DMTF1: variants seen among roughly 807,000 people sequenced by gnomAD.
DMTF1 encodes the protein cyclin-D-binding Myb-like transcription factor 1.
A neutral mutation model predicts 91.1 loss-of-function variants in DMTF1; 39 were observed. That is an observed-to-expected ratio of 0.43 (90% CI 0.33 to 0.56). The LOEUF is 0.56. Ranked by LOEUF, DMTF1 falls within the 20% of genes least tolerant of loss-of-function variation. The pLI is 0.05. For missense variants in DMTF1, 750 were observed against 914.5 expected (o/e 0.82, Z 2.32); for synonymous variants, 338 against 309.5 (o/e 1.09, Z -0.97).
intron 1 of DMTF1, chr7:87,154,226 A>G (rs990419854): frequency 6.6e-6 from 1 of 152,252 alleles, no homozygotes; most frequent in African/African-American, 2.4e-5. Flanking sequence ...TCTTCCATAC[A>G]GAAAGCACAA....
At chr7:87,180,821 T>A (rs1335201971) in intron 8 of DMTF1, among the ~76,000 whole-genome samples, 1 of 148,514 alleles carries the variant, frequency 6.7e-6, no homozygotes, top group African/African-American at 2.5e-5. Flanking sequence ...ATTTACTGTT[T>A]AAAAAAAAAT....
At chr7:87,178,678 C>T (rs997522180) in intron 7 of DMTF1, among the ~76,000 whole-genome samples, 3 of 151,916 alleles carry the variant, frequency 2.0e-5, no homozygotes, top group South Asian at 2.1e-4. Flanking sequence ...TTAGTGAATG[C>T]GTTTGACCTG....
At chr7:87,157,767 T>A (rs1157645207) in intron 1 of DMTF1, among the ~76,000 whole-genome samples, 4 of 152,048 alleles carry the variant, frequency 2.6e-5, no homozygotes, top group African/African-American at 7.2e-5. Flanking sequence ...ATCTTTTTCA[T>A]TGGGAGCTAT....
In DMTF1 at chr7:87,166,624, A is replaced by G; in HGVS notation, c.232+19A>G. 6.5e-7 allele frequency: 1 copy of G among 1,532,164 alleles called. No homozygotes were observed. The highest frequency in any genetic ancestry group is 8.8e-7 in the Non-Finnish European group (1 of 1,135,826). The allele number at this position is 1,532,164 out of a possible 1,614,324, so 94.9% of individuals were successfully genotyped here. Reference sequence around the variant, plus strand: ...CTTCCACGTAAGTCACTACGTATTAAGAGCCATAGAGTTCCCTTTTAAAAT... The same window carrying G: ...CTTCCACGTAAGTCACTACGTATTAGGAGCCATAGAGTTCCCTTTTAAAAT... On this transcript the variant is annotated intron_variant, in intron 4 of 17. Transcript: ENST00000331242.
chr7:87,182,938 G>T (rs73206987), intron 10 of DMTF1, among the ~76,000 whole-genome samples: 12 of 152,252 alleles, frequency 7.9e-5, no homozygotes, highest in Non-Finnish European at 1.5e-4. Flanking sequence ...GACCAACAAC[G>T]TATTTAGGCT....
chr7:87,185,825 G>A lies in DMTF1; in HGVS notation c.1050-4G>A, dbSNP rs753963419. 2.5e-6 allele frequency: 4 copies of A among 1,613,550 alleles called. No homozygotes were observed. The highest frequency in any genetic ancestry group is 2.5e-6 in the Non-Finnish European group (3 of 1,179,704). On this transcript the variant is annotated splice_polypyrimidine_tract_variant and splice_region_variant and intron_variant, in intron 11 of 17. Coordinates refer to ENST00000331242, the MANE Select transcript of DMTF1 (RefSeq NM_001142327.2). ...GTCTAACGATGCTTATTTTGTAACT[G>A]TAGGATAGCAGAACTTGATGTAGCT... is the stretch of plus-strand genomic sequence containing the variant.
At chr7:87,184,807 T>C in intron 11 of DMTF1, 182 bp downstream of exon 11, 2 of 315,854 alleles carry the variant, frequency 6.3e-6, no homozygotes, top group Non-Finnish European at 1.2e-5. Context: ...TGTTTGTTCC[T>C]TTTTTTTTTT....
At chr7:87,168,664 T>C (rs6946206) in intron 4 of DMTF1, among the ~76,000 whole-genome samples, 148,979 of 152,252 alleles carry the variant, frequency 0.98, 72,915 homozygotes, top group East Asian at 1. Flanking sequence ...TCTGTCTTTG[T>C]CTGTTTATTT....
At chr7:87,161,877 ATT>A (rs1377096482) in intron 1 of DMTF1, among the ~76,000 whole-genome samples, 2 of 152,242 alleles carry the variant, frequency 1.3e-5, no homozygotes, top group African/African-American at 2.4e-5. Context: ...TGGGATATAA[ATT>A]TGTGCAATTT....
chr7:87,173,681 T>C, intron 6 of DMTF1, 32 bp downstream of exon 6: 1 of 1,418,462 alleles, frequency 7.0e-7, no homozygotes, highest in Non-Finnish European at 9.8e-7. Context: ...TAGTGCCTAG[T>C]GAAAAAAAAT....
intron 4 of DMTF1, among the ~76,000 whole-genome samples, chr7:87,169,131 A>G (rs1221859817): frequency 6.6e-6 from 1 of 152,186 alleles, no homozygotes; most frequent in Admixed American, 6.5e-5. Flanking sequence ...TCATTCCCAC[A>G]GTATCACAAA....
Position 87,186,205 on chromosome 7 carries a change from T to C in DMTF1, c.1201+225T>C, listed in dbSNP as rs958612352. The C allele has an allele frequency of 1.8e-5, 9 of 494,024 alleles. No homozygotes were observed. In the Middle Eastern group the frequency reaches 1.6e-3, roughly 88 times the overall value. The allele number at this position is 494,024 out of a possible 1,614,324, so 30.6% of individuals were successfully genotyped here. On this transcript the variant is annotated intron_variant, in intron 12 of 17. Coordinates refer to ENST00000331242, the MANE Select transcript of DMTF1 (RefSeq NM_001142327.2). ...ATGAAAATGTACACACTTATTCTTG[T>C]TCTTCTACGTAAACTATCAGGAGGA...
intron 1 of DMTF1, among the ~76,000 whole-genome samples, chr7:87,161,810 T>A (rs1792494882): frequency 6.6e-6 from 1 of 152,334 alleles, no homozygotes; most frequent in Non-Finnish European, 1.5e-5. Flanking sequence ...TGCTTTGAAG[T>A]TTTTAAAAAA....
intron 10 of DMTF1, among the ~76,000 whole-genome samples, 176 bp downstream of exon 10, chr7:87,182,513 CT>C (rs199824427): frequency 0.018 from 2,758 of 152,244 alleles, 35 homozygotes; most frequent in Non-Finnish European, 0.032. Flanking sequence ...TAATCTTTTA[CT>C]TTGTTTTTGT....
At chr7:87,188,892 C>G (rs1468543340) in intron 13 of DMTF1, among the ~76,000 whole-genome samples, 1 of 151,992 alleles carries the variant, frequency 6.6e-6, no homozygotes, top group Non-Finnish European at 1.5e-5. Context: ...GATCTTTATC[C>G]CTTCCCGTCA....
At chr7:87,165,707 A>G (rs995341875) in intron 3 of DMTF1, among the ~76,000 whole-genome samples, 6 of 152,220 alleles carry the variant, frequency 3.9e-5, no homozygotes, top group African/African-American at 1.2e-4. Flanking sequence ...GTCCCAAACA[A>G]TCCTTACATG....
intron 3 of DMTF1, among the ~76,000 whole-genome samples, chr7:87,165,877 CCT>C (rs1224784374): frequency 6.6e-6 from 1 of 152,130 alleles, no homozygotes; most frequent in African/African-American, 2.4e-5. Flanking sequence ...TCCATTGCAT[CCT>C]CTCTGTTTCA....
At chr7:87,167,110 G>C (rs1794004807) in intron 4 of DMTF1, among the ~76,000 whole-genome samples, 1 of 152,042 alleles carries the variant, frequency 6.6e-6, no homozygotes, top group African/African-American at 2.4e-5. Context: ...TAATAACTTG[G>C]CTAAGAGCAT....
intron 6 of DMTF1, among the ~76,000 whole-genome samples, chr7:87,174,385 T>A (rs1365689382): frequency 2.0e-5 from 3 of 152,160 alleles, no homozygotes; most frequent in Non-Finnish European, 4.4e-5. Flanking sequence ...TGTCTTTTTT[T>A]AGTAGGGTCA....
Sources: gnomAD v4.1 joint callset for allele counts (sites outside exome capture counted in the v4.1 genomes callset) on GRCh38, gnomAD v4.1.1 for gene constraint, MANE v1.5 for transcripts, NCBI Gene and HGNC (gene_info 2026-07-23, HGNC 2026-07-21) for gene names.